SARNP: variants seen among roughly 807,000 people sequenced by gnomAD.
SARNP encodes the protein SAP domain containing ribonucleoprotein, also known as SAP domain-containing ribonucleoprotein.
SARNP carries 5 observed loss-of-function variants against 38.1 expected under a neutral mutation model. The observed-to-expected ratio is 0.13, with a 90% CI of 0.07 to 0.28. The LOEUF (loss-of-function observed/expected upper bound fraction) is 0.28. Among genes scored for constraint, SARNP ranks in the 10% least tolerant of loss-of-function variants. The probability of loss-of-function intolerance (pLI) is 1.00; values close to 1 mark genes in which losing one functional copy is unlikely to be tolerated. For missense variants in SARNP, 180 were observed against 243.9 expected, an observed-to-expected ratio of 0.74 and a Z score of 1.75; for synonymous variants, 84 against 80.6, an observed-to-expected ratio of 1.04 and a Z score of -0.23.
intron 9 of SARNP, among the ~76,000 whole-genome samples, chr12:55,768,813 T>G (rs1325268119): frequency 6.6e-6 from 1 of 152,162 alleles, no homozygotes; most frequent in African/African-American, 2.4e-5. Flanking sequence ...AATCTCCGTC[T>G]CCTGGGTTTA....
At chr12:55,804,839 T>A (rs1880090037) in intron 1 of SARNP, among the ~76,000 whole-genome samples, 2 of 152,304 alleles carry the variant, frequency 1.3e-5, no homozygotes, top group Non-Finnish European at 2.9e-5. Flanking sequence ...TACAGATCTA[T>A]GACCAATCAG....
chr12:55,762,098 G>C (rs1592554018), intron 9 of SARNP: 1 of 152,104 alleles, frequency 6.6e-6, no homozygotes, highest in African/African-American at 2.4e-5. Flanking sequence ...GACCAGCCTG[G>C]CCAACATGGT....
intron 9 of SARNP, among the ~76,000 whole-genome samples, chr12:55,781,509 G>T (rs1301217620): frequency 6.7e-6 from 1 of 150,074 alleles, no homozygotes; most frequent in Non-Finnish European, 1.5e-5. Context: ...ACTTCAGCCT[G>T]GGCAAAAGAG....
chr12:55,796,978 AG>A (rs1176809956), intron 4 of SARNP, among the ~76,000 whole-genome samples: 2 of 152,158 alleles, frequency 1.3e-5, no homozygotes, highest in African/African-American at 4.8e-5. Flanking sequence ...GAAACAAAAG[AG>A]GGGGGACCAC....
chr12:55,781,842 T>C (rs1392202929), intron 9 of SARNP, among the ~76,000 whole-genome samples: 1 of 152,126 alleles, frequency 6.6e-6, no homozygotes, highest in Non-Finnish European at 1.5e-5. Flanking sequence ...CCTCGGCCTT[T>C]CAAGGAGCTG....
At chr12:55,812,184 C>T (rs1880347431) in intron 1 of SARNP, among the ~76,000 whole-genome samples, 1 of 152,176 alleles carries the variant, frequency 6.6e-6, no homozygotes, top group Non-Finnish European at 1.5e-5. Context: ...ATTCCTCTAA[C>T]ACTTTGCACA....
At chr12:55,789,664 C>T (rs1879605311) in intron 8 of SARNP, among the ~76,000 whole-genome samples, 1 of 152,098 alleles carries the variant, frequency 6.6e-6, no homozygotes, top group Non-Finnish European at 1.5e-5. Context: ...TTATTTAGGG[C>T]CAGGCGCGGT....
chr12:55,810,803 G>C (rs989035460), intron 1 of SARNP, among the ~76,000 whole-genome samples: 1 of 151,698 alleles, frequency 6.6e-6, no homozygotes, highest in Non-Finnish European at 1.5e-5. Flanking sequence ...TTGGCCAGGC[G>C]CGGTGGCTCA....
intron 9 of SARNP, among the ~76,000 whole-genome samples, chr12:55,766,107 C>T (rs958242017): frequency 1.3e-5 from 2 of 152,184 alleles, no homozygotes; most frequent in African/African-American, 4.8e-5. Flanking sequence ...GGGGTTGTGG[C>T]ATCTGCAGGC....
At chr12:55,759,525 C>T (rs1037336946) in intron 10 of SARNP, among the ~76,000 whole-genome samples, 1 of 151,908 alleles carries the variant, frequency 6.6e-6, no homozygotes, top group Non-Finnish European at 1.5e-5. Context: ...ATTCTCATGC[C>T]TCGGTCTCCA....
At chr12:55,767,962 G>A (rs910933330) in intron 9 of SARNP, among the ~76,000 whole-genome samples, 10 of 151,486 alleles carry the variant, frequency 6.6e-5, no homozygotes, top group Non-Finnish European at 1.2e-4. Context: ...CCATTACCAA[G>A]GCAACAAGAA....
At chr12:55,769,390 C>G (rs917554771) in intron 9 of SARNP, among the ~76,000 whole-genome samples, 1 of 152,160 alleles carries the variant, frequency 6.6e-6, no homozygotes, top group Admixed American at 6.5e-5. Context: ...TATGAATTCA[C>G]CAAGTTACTA....
rs55887039 is a variant in SARNP at position 55,808,968 on chromosome 12, G to A, written c.37-5240C>T. ...ATGTTTTGGCTCCAACACTTTGGGA[G>A]GCTAGAGGTGGGCAGATCACTTGAG... On this transcript the variant is annotated intron_variant, in intron 1 of 10. Coordinates refer to ENST00000336133, the MANE Select transcript of SARNP (RefSeq NM_033082.4). Among the ~76,000 whole-genome samples the A allele has an allele frequency of 1.5e-3, 234 of 152,246 alleles. 1 individual carries two copies. The highest frequency in any genetic ancestry group is 5.2e-3 in the African/African-American group (215 of 41,552).
intron 9 of SARNP, among the ~76,000 whole-genome samples, chr12:55,766,358 A>C (rs762135231): frequency 1.3e-5 from 2 of 152,156 alleles, no homozygotes; most frequent in African/African-American, 2.4e-5. Flanking sequence ...CTTACTGGCC[A>C]AATACATTCA....
At chr12:55,764,279 C>G (rs534870930) in intron 9 of SARNP, among the ~76,000 whole-genome samples, 92 of 152,284 alleles carry the variant, frequency 6.0e-4, no homozygotes, top group Non-Finnish European at 9.8e-4. Flanking sequence ...AATCCCACCA[C>G]TTTGAGAAAA....
At chr12:55,755,995 T>C (rs1878495299), downstream of SARNP, 1 of 152,234 alleles carries the variant, frequency 6.6e-6, no homozygotes, top group Non-Finnish European at 1.5e-5. Flanking sequence ...ATCTGCTCTA[T>C]TCCCTCATGT....
intron 7 of SARNP, chr12:55,793,559 C>G (rs1170823792): frequency 6.6e-6 from 1 of 151,134 alleles, no homozygotes; most frequent in Admixed American, 6.6e-5. Context: ...CCCAAGAATA[C>G]TGTATTTCTG....
At chr12:55,761,187 TAATA>T (rs766099349) in intron 9 of SARNP, among the ~76,000 whole-genome samples, 3 of 150,636 alleles carry the variant, frequency 2.0e-5, no homozygotes, top group African/African-American at 7.3e-5. Context: ...AAAAAAAAAA[TAATA>T]AATAAAATAA....
chr12:55,762,422 G>A (rs945618797), intron 9 of SARNP, among the ~76,000 whole-genome samples: 1 of 151,318 alleles, frequency 6.6e-6, no homozygotes, highest in Non-Finnish European at 1.5e-5. Flanking sequence ...ACAGGCATGT[G>A]CCACCATGCC....
Sources: gnomAD v4.1 joint callset for allele counts (sites outside exome capture counted in the v4.1 genomes callset) on GRCh38, gnomAD v4.1.1 for gene constraint, MANE v1.5 for transcripts, NCBI Gene and HGNC (gene_info 2026-07-23, HGNC 2026-07-21) for gene names.